The following GSDMC variants were observed in gnomAD, a reference collection of about 807,000 sequenced individuals.
GSDMC encodes the protein gasdermin-C.
In GSDMC, 59 loss-of-function variants were observed where a neutral mutation model predicts 58.0. That is an observed-to-expected ratio of 1.02 (90% CI 0.82 to 1.26). The LOEUF (loss-of-function observed/expected upper bound fraction) is 1.26, where lower values mean the gene tolerates loss of function less well. Ranked by LOEUF, GSDMC falls within the 50% of genes most tolerant of loss-of-function variation. The pLI, the probability that GSDMC is intolerant of heterozygous loss-of-function variation, is 0.00. For synonymous variants in GSDMC, 241 were observed against 220.2 expected (o/e 1.09, Z -0.83); for missense variants, 659 against 598.5 (o/e 1.10, Z -1.06).
At chr8:129,780,674 T>A (rs2034377469) in intron 1 of GSDMC, among the ~76,000 whole-genome samples, 1 of 152,202 alleles carries the variant, frequency 6.6e-6, no homozygotes, top group Non-Finnish European at 1.5e-5. Flanking sequence ...GAAAATGATG[T>A]TAATGAGCAA....
chr8:129,779,153 T>A (rs937190779), intron 1 of GSDMC, among the ~76,000 whole-genome samples: 1 of 152,152 alleles, frequency 6.6e-6, no homozygotes, highest in Non-Finnish European at 1.5e-5. Context: ...TAAAGACACA[T>A]GCATGCATAT....
At chr8:129,739,504 T>C in the GSDMC span, among the ~76,000 whole-genome samples, 96 of 152,352 alleles carry the variant, frequency 6.3e-4, no homozygotes, top group African/African-American at 2.1e-3. Context: ...GTTCCTTATA[T>C]GGTCATGCAT....
At position 129,748,452 on chromosome 8, in the gene GSDMC, G is replaced by A. The variant is rs376086270; in HGVS notation, c.*49C>T. 6.5e-7 allele frequency: 1 copy of A among 1,548,870 alleles called. No individual in the cohort carries two copies. The highest frequency in any genetic ancestry group is 1.3e-5 in the South Asian group (1 of 78,254). On this transcript the variant is annotated 3_prime_UTR_variant, in exon 14 of 14. Transcript: ENST00000276708. ...CACCCATAAGGACACTCACAGCATA[G>A]ACTGGGCGAGGGCCAGCATCTCTGG...
intron 6 of GSDMC, among the ~76,000 whole-genome samples, chr8:129,760,304 C>T (rs904297785): frequency 6.6e-6 from 1 of 152,014 alleles, no homozygotes; most frequent in Non-Finnish European, 1.5e-5. Context: ...TTTGATAGCA[C>T]AACAGGGTGA....
chr8:129,717,414 G>C, the GSDMC span, among the ~76,000 whole-genome samples: 1 of 151,858 alleles, frequency 6.6e-6, no homozygotes, highest in Non-Finnish European at 1.5e-5. Flanking sequence ...TAGTTTATTT[G>C]TGTAGAGGTT....
At chr8:129,734,876 TAAAG>T in the GSDMC span, among the ~76,000 whole-genome samples, 1 of 152,112 alleles carries the variant, frequency 6.6e-6, no homozygotes, top group Non-Finnish European at 1.5e-5. Flanking sequence ...GCAAATTGGA[TAAAG>T]AGTCAAGACC....
intron 3 of GSDMC, among the ~76,000 whole-genome samples, chr8:129,774,037 T>G (rs532928666): frequency 1.6e-4 from 24 of 152,198 alleles, no homozygotes; most frequent in African/African-American, 5.5e-4. Flanking sequence ...CCAATGACAA[T>G]CTTCACAGAA....
chr8:129,758,563 A>G (rs1242710262), intron 6 of GSDMC, among the ~76,000 whole-genome samples: 4 of 152,226 alleles, frequency 2.6e-5, no homozygotes, highest in Non-Finnish European at 5.9e-5. Context: ...TGGCATTTCT[A>G]TATGCCAACA....
chr8:129,782,184 A>T (rs150489334), intron 1 of GSDMC, among the ~76,000 whole-genome samples: 80 of 152,290 alleles, frequency 5.3e-4, no homozygotes, highest in African/African-American at 1.8e-3. Context: ...TAATGCAAAC[A>T]TACCAAAACC....
chr8:129,732,232 A>G, the GSDMC span, among the ~76,000 whole-genome samples: 8 of 151,904 alleles, frequency 5.3e-5, no homozygotes. Flanking sequence ...CAGATCATTG[A>G]TCTTAGATTT....
intron 3 of GSDMC, among the ~76,000 whole-genome samples, chr8:129,769,179 A>T (rs1338935318): frequency 6.6e-6 from 1 of 152,244 alleles, no homozygotes; most frequent in East Asian, 1.9e-4. Flanking sequence ...GACACTAAAA[A>T]TTTCCCAAAT....
chr8:129,758,684 A>G (rs143732711), intron 6 of GSDMC, among the ~76,000 whole-genome samples: 1 of 152,220 alleles, frequency 6.6e-6, no homozygotes, highest in African/African-American at 2.4e-5. Context: ...TACAATAAAA[A>G]CTATAAAACA....
intron 2 of GSDMC, 101 bp downstream of exon 2, chr8:129,777,267 G>T: frequency 2.8e-6 from 2 of 702,726 alleles, no homozygotes; most frequent in Non-Finnish European, 2.4e-6. Context: ...AATCCTGAGA[G>T]CTCCTTTCTG....
At chr8:129,755,125 A>G (rs1393466367) in intron 6 of GSDMC, among the ~76,000 whole-genome samples, 2 of 152,208 alleles carry the variant, frequency 1.3e-5, no homozygotes, top group Non-Finnish European at 1.5e-5. Flanking sequence ...GTTATAGAAC[A>G]CCACGCAGAT....
intron 4 of GSDMC, among the ~76,000 whole-genome samples, chr8:129,763,664 CT>C (rs1410719360): frequency 6.6e-6 from 1 of 152,178 alleles, no homozygotes; most frequent in Non-Finnish European, 1.5e-5. Flanking sequence ...ACAGCCACAA[CT>C]TCCCAGGCTC....
chr8:129,756,321 T>C (rs2033433053), intron 6 of GSDMC, among the ~76,000 whole-genome samples: 1 of 151,944 alleles, frequency 6.6e-6, no homozygotes, highest in Admixed American at 6.6e-5. Context: ...TGATGGTAAA[T>C]ATATATGCAC....
the GSDMC span, among the ~76,000 whole-genome samples, chr8:129,711,840 G>T: frequency 6.6e-6 from 1 of 152,200 alleles, no homozygotes; most frequent in East Asian, 1.9e-4. Context: ...GATAACTGAA[G>T]AACAAAGAGA....
At chr8:129,753,426 G>T (rs1185866527) in intron 6 of GSDMC, among the ~76,000 whole-genome samples, 2 of 152,180 alleles carry the variant, frequency 1.3e-5, no homozygotes, top group African/African-American at 4.8e-5. Context: ...TTGAAGGGAA[G>T]AACACAGTCC....
chr8:129,762,906 C>T (rs1407365942), intron 4 of GSDMC, among the ~76,000 whole-genome samples, 175 bp from the exon 5 acceptor site: 2 of 152,168 alleles, frequency 1.3e-5, no homozygotes, highest in Non-Finnish European at 2.9e-5. Context: ...TGCTCATCTT[C>T]CCATTTTTCA....
Sources: allele counts gnomAD v4.1 joint callset (sites outside exome capture counted in the v4.1 genomes callset), GRCh38; gene constraint gnomAD v4.1.1; transcripts MANE v1.5; gene names NCBI Gene and HGNC (gene_info 2026-07-23, HGNC 2026-07-21).